The following CBY1 variants were observed in gnomAD, a reference collection of about 807,000 sequenced individuals.
The protein encoded by CBY1 is protein chibby homolog 1.
Under a neutral mutation model 15.6 loss-of-function variants are expected in CBY1, and 10 were observed. The ratio of observed to expected loss-of-function variants is 0.64; its 90% CI spans 0.40 to 1.09. The LOEUF (loss-of-function observed/expected upper bound fraction) is 1.09, where lower values mean the gene tolerates loss of function less well. Among genes scored for constraint, CBY1 ranks in the 50% least tolerant of loss-of-function variants. The pLI is 0.01. For missense variants in CBY1, 150 were observed against 160.5 expected (o/e 0.93, Z 0.35); for synonymous variants, 61 against 63.5 (o/e 0.96, Z 0.19).
In CBY1 at chr22:38,673,250, A is replaced by G. The variant is rs1173075757; in HGVS notation, c.*14A>G. On this transcript the variant is annotated 3_prime_UTR_variant, in exon 5 of 5. Transcript: ENST00000216029. ...AAGAGAAAATGAAGACCCCAGAGAC[A>G]TTTATTGGGGAGTAGGATGTGGCTG... is the stretch of plus-strand genomic sequence containing the variant. 1.3e-6 allele frequency: 2 copies of G among 1,568,210 alleles called. No homozygotes were observed. The highest frequency in any genetic ancestry group is 1.4e-5 in the African/African-American group (1 of 73,952).
In CBY1 at chr22:38,670,897, C is replaced by T; in HGVS notation, c.92C>T (p.Thr31Ile). ...LSNLHSLDRS[T>I]REVELGLEYG... ...TCTCGCCCACAGTTGGATCGATCAA[C>T]CCGGGAGGTGGAGCTGGGCTTGGAA... The change falls in exon 3 of 5, where the codon ACC (threonine) becomes ATC (isoleucine). Residue 31 changes from threonine to isoleucine, a missense_variant. By Grantham distance (89) the Thr-to-Ile change is moderately conservative. Transcript: ENST00000216029. 6.2e-7 allele frequency: 1 copy of T among 1,614,010 alleles called. No individual in the cohort carries two copies. The highest frequency in any genetic ancestry group is 1.1e-5 in the South Asian group (1 of 91,086).
Position 38,672,907 on chromosome 22 carries a change from G to A in CBY1, c.304-252G>A, listed in dbSNP as rs552771357. ...CGTCCTCTGAGACCTGCTCTCCTTC[G>A]TGCAGGGAGTGCCATGCCCTCGTGG... On this transcript the variant is annotated intron_variant, in intron 4 of 4. Coordinates refer to ENST00000216029, the MANE Select transcript of CBY1 (RefSeq NM_015373.4). 3.7e-4 allele frequency among the ~76,000 whole-genome samples: 57 copies of A among 152,114 alleles called. 1 individual carries two copies. The highest frequency in any genetic ancestry group is 2.7e-3 in the Admixed American group (42 of 15,276).
chr22:38,672,481 A>T (rs2092455695), intron 4 of CBY1, among the ~76,000 whole-genome samples: 1 of 151,694 alleles, frequency 6.6e-6, no homozygotes, highest in African/African-American at 2.4e-5. Flanking sequence ...ACGCTTGGCT[A>T]ATTTTTGCAT....
At chr22:38,662,068 A>G (rs1182879075) in intron 1 of CBY1, among the ~76,000 whole-genome samples, 1 of 152,132 alleles carries the variant, frequency 6.6e-6, no homozygotes, top group African/African-American at 2.4e-5. Context: ...TTGAGAGGCC[A>G]AGTTGGGCCA....
intron 1 of CBY1, among the ~76,000 whole-genome samples, chr22:38,666,087 C>A (rs994091799): frequency 2.6e-5 from 4 of 151,528 alleles, no homozygotes; most frequent in Non-Finnish European, 5.9e-5. Flanking sequence ...ATCCTCTCAC[C>A]TTGGCCTCCC....
intron 1 of CBY1, among the ~76,000 whole-genome samples, chr22:38,663,690 C>G (rs1284517358): frequency 1.7e-5 from 2 of 119,776 alleles, no homozygotes; most frequent in Non-Finnish European, 3.3e-5. Context: ...GAGCGAAACT[C>G]TGTCTCCAAA....
intron 1 of CBY1, among the ~76,000 whole-genome samples, chr22:38,660,903 C>G (rs899690463): frequency 6.6e-6 from 1 of 151,964 alleles, no homozygotes; most frequent in African/African-American, 2.4e-5. Flanking sequence ...TTTGTTCTGT[C>G]CTTTACATAA....
At chr22:38,672,808 T>C (rs902820292) in intron 4 of CBY1, among the ~76,000 whole-genome samples, 3 of 152,156 alleles carry the variant, frequency 2.0e-5, no homozygotes, top group African/African-American at 7.2e-5. Context: ...CTCATCCCCA[T>C]TATGGGAGCT....
chr22:38,661,629 G>A (rs1490675642), intron 1 of CBY1, among the ~76,000 whole-genome samples: 2 of 152,036 alleles, frequency 1.3e-5, no homozygotes, highest in Non-Finnish European at 2.9e-5. Flanking sequence ...ATTAATTTTA[G>A]TGAGATCAAT....
chr22:38,659,911 C>T (rs2092417343), intron 1 of CBY1, among the ~76,000 whole-genome samples: 1 of 151,278 alleles, frequency 6.6e-6, no homozygotes, highest in Admixed American at 6.6e-5. Context: ...TTGGCTACAC[C>T]CAAATTGTTT....
intron 4 of CBY1, among the ~76,000 whole-genome samples, chr22:38,672,147 A>C (rs2145788896): frequency 6.6e-6 from 1 of 151,674 alleles, no homozygotes; most frequent in South Asian, 2.1e-4. Context: ...CTATAATCCC[A>C]GCTACTCAGG....
intron 1 of CBY1, chr22:38,666,496 T>G (rs2092436435): frequency 6.6e-6 from 1 of 152,008 alleles, no homozygotes; most frequent in South Asian, 2.1e-4. Context: ...TAAAAGCAAA[T>G]GTACAGGTTG....
At chr22:38,659,021 T>G (rs1390328887) in intron 1 of CBY1, among the ~76,000 whole-genome samples, 2 of 152,190 alleles carry the variant, frequency 1.3e-5, no homozygotes, top group Admixed American at 6.6e-5. Flanking sequence ...CTGCAACCTC[T>G]GCCTCCTGGG....
chr22:38,667,156 A>G (rs1569255286), intron 1 of CBY1, among the ~76,000 whole-genome samples: 1 of 151,680 alleles, frequency 6.6e-6, no homozygotes, highest in Non-Finnish European at 1.5e-5. Context: ...GACTACAGGC[A>G]CGCACCACCA....
In CBY1 at chr22:38,673,605, A is replaced by G; in HGVS notation, c.*369A>G. On this transcript the variant is annotated 3_prime_UTR_variant, in exon 5 of 5. Transcript: ENST00000216029. ...CTGGAGTTCATTCTCTCACCCCCTT[A>G]TGTTGGTGTTTGGCGTGTGACAGCA... 1 of 219,230 alleles carries G rather than the reference A, an allele frequency of 4.6e-6. No individual in the cohort carries two copies. Among genetic ancestry groups the G allele is most frequent in the Non-Finnish European group, 9.5e-6 (1 of 105,084 alleles). The allele number at this position is 219,230 out of a possible 1,614,324, so 13.6% of individuals were successfully genotyped here.
At chr22:38,670,813 G>A (rs986123672) in intron 2 of CBY1, 71 bp from the exon 3 acceptor site, 33 of 939,640 alleles carry the variant, frequency 3.5e-5, no homozygotes, top group Non-Finnish European at 5.4e-5. Context: ...TCATATTGTT[G>A]GCGGAAGAGG....
chr22:38,662,241 G>A (rs2092424111), intron 1 of CBY1, among the ~76,000 whole-genome samples: 1 of 151,274 alleles, frequency 6.6e-6, no homozygotes, highest in Non-Finnish European at 1.5e-5. Flanking sequence ...GGTTGAGGCT[G>A]CAGTGAGCCG....
chr22:38,672,625 T>C (rs1349453854), intron 4 of CBY1, among the ~76,000 whole-genome samples: 4 of 152,122 alleles, frequency 2.6e-5, no homozygotes, highest in Non-Finnish European at 5.9e-5. Flanking sequence ...CTGGATGTTT[T>C]TTTTTAAAAA....
At chr22:38,671,361 G>T (rs757496595) in intron 4 of CBY1, 173 bp downstream of exon 4, 103 of 617,010 alleles carry the variant, frequency 1.7e-4, no homozygotes, top group Non-Finnish European at 2.7e-4. Context: ...CAGTGTAGAG[G>T]CAGGTGGACC....
Sources: gnomAD v4.1 joint callset for allele counts (sites outside exome capture counted in the v4.1 genomes callset) on GRCh38, gnomAD v4.1.1 for gene constraint, MANE v1.5 for transcripts, NCBI Gene and HGNC (gene_info 2026-07-23, HGNC 2026-07-21) for gene names.